The following RXYLT1 variants were observed in gnomAD, a reference collection of about 807,000 sequenced individuals.
RXYLT1 encodes the protein ribitol xylosyltransferase 1.
RXYLT1 carries 41 observed loss-of-function variants against 43.5 expected under a neutral mutation model. The observed-to-expected ratio is 0.94, with a 90% CI of 0.73 to 1.22. The LOEUF (loss-of-function observed/expected upper bound fraction) is 1.22. RXYLT1 is among the 50% of genes most tolerant of loss of function. The pLI is 0.00. For synonymous variants in RXYLT1, 166 were observed against 194.4 expected, an observed-to-expected ratio of 0.85 and a Z score of 1.21; for missense variants, 514 against 532.0, an observed-to-expected ratio of 0.97 and a Z score of 0.33.
At chr12:63,792,438 T>C (rs1208177948) in intron 3 of RXYLT1, among the ~76,000 whole-genome samples, 2 of 152,236 alleles carry the variant, frequency 1.3e-5, no homozygotes, top group African/African-American at 4.8e-5. Context: ...TTGCCAGCTC[T>C]TGGCTCTTAT....
At chr12:63,780,483 T>G in intron 1 of RXYLT1, 1 of 1,104,548 alleles carries the variant, frequency 9.1e-7, no homozygotes, top group Non-Finnish European at 1.1e-6. Context: ...TCCGTTTCCA[T>G]GTTGAAACAA....
intron 3 of RXYLT1, among the ~76,000 whole-genome samples, chr12:63,793,807 G>T (rs1442835619): frequency 2.0e-5 from 3 of 152,194 alleles, no homozygotes. Flanking sequence ...AACACAATTT[G>T]TCATAGAATG....
intron 2 of RXYLT1, chr12:63,782,679 T>A (rs564820282): frequency 2.2e-6 from 1 of 454,836 alleles, no homozygotes; most frequent in East Asian, 7.0e-5. Context: ...CATTTCTGGC[T>A]TCTGCTGAGA....
chr12:63,790,301 C>CTTT (rs1488956520), intron 3 of RXYLT1: 2 of 152,124 alleles, frequency 1.3e-5, no homozygotes, highest in Non-Finnish European at 2.9e-5. Flanking sequence ...ATATGTAGTG[C>CTTT]TTTTAACTCT....
chr12:63,793,083 C>T (rs1429810123), intron 3 of RXYLT1, among the ~76,000 whole-genome samples: 1 of 152,168 alleles, frequency 6.6e-6, no homozygotes, highest in Non-Finnish European at 1.5e-5. Flanking sequence ...ATTCTGAATT[C>T]TTAAATGGGG....
intron 3 of RXYLT1, among the ~76,000 whole-genome samples, chr12:63,801,311 G>C (rs560913193): frequency 6.6e-6 from 1 of 151,856 alleles, no homozygotes; most frequent in Non-Finnish European, 1.5e-5. Context: ...GCCATTCTTC[G>C]TTTCTTAATT....
chr12:63,785,269 T>C (rs1236497318), intron 3 of RXYLT1, 197 bp downstream of exon 3: 4 of 300,512 alleles, frequency 1.3e-5, no homozygotes, highest in East Asian at 5.4e-5. Flanking sequence ...AATTGTATAT[T>C]ACAGAATACT....
Position 63,802,248 on chromosome 12 carries a change from C to G in RXYLT1, c.586C>G (p.Leu196Val). 4.3e-6 allele frequency: 7 copies of G among 1,614,078 alleles called. No individual in the cohort carries two copies. Among genetic ancestry groups the G allele is most frequent in the Non-Finnish European group, 5.9e-6 (7 of 1,180,014 alleles). Residue 196 changes from leucine to valine, a missense_variant, in exon 4 of 6, where the codon CTT becomes GTT. Coordinates refer to ENST00000261234, the MANE Select transcript of RXYLT1 (RefSeq NM_014254.3). Reference protein sequence around the residue: ...NLVQIQKLQHLAVVLLGNEHC... With the variant: ...NLVQIQKLQHVAVVLLGNEHC... ...AGTGCAAATTCAAAAACTCCAGCAT[C>G]TTGCTGTTGTTTTGCTCGGAAATGA... is the stretch of plus-strand genomic sequence containing the variant.
chr12:63,799,327 GACA>G (rs1359348904), intron 3 of RXYLT1, among the ~76,000 whole-genome samples: 5 of 69,810 alleles, frequency 7.2e-5, no homozygotes, highest in Non-Finnish European at 1.1e-4. Flanking sequence ...TTTTTTTTGA[GACA>G]ACGTTTCATT....
At chr12:63,782,610 G>A (rs550979463) in intron 2 of RXYLT1, 46 of 456,674 alleles carry the variant, frequency 1.0e-4, no homozygotes, top group South Asian at 6.8e-4. Flanking sequence ...GTATGTCACA[G>A]GATTCACTCC....
chr12:63,808,413 G>A (rs1324736335), intron 5 of RXYLT1: 1 of 442,786 alleles, frequency 2.3e-6, no homozygotes, highest in Non-Finnish European at 3.9e-6. Flanking sequence ...CACTCCCAAA[G>A]TATCGGTTGA....
At chr12:63,791,205 C>T (rs1897914105) in intron 3 of RXYLT1, among the ~76,000 whole-genome samples, 1 of 152,172 alleles carries the variant, frequency 6.6e-6, no homozygotes, top group Non-Finnish European at 1.5e-5. Flanking sequence ...AGTTTAATCT[C>T]ATAGGACAAT....
chr12:63,792,541 GC>G (rs1897939880), intron 3 of RXYLT1, among the ~76,000 whole-genome samples: 1 of 152,322 alleles, frequency 6.6e-6, no homozygotes, highest in South Asian at 2.1e-4. Flanking sequence ...AAACACTGAG[GC>G]CCGCAGTCTT....
At position 63,799,333 on chromosome 12, in the gene RXYLT1, G is replaced by A. The variant is rs187720383; in HGVS notation, c.429-2758G>A. 7.6e-3 allele frequency among the ~76,000 whole-genome samples: 516 copies of A among 67,708 alleles called. 4 individuals are homozygous for A. The highest frequency in any genetic ancestry group is 0.029 in the African/African-American group (494 of 17,160). 44.4% of individuals were successfully genotyped at this position (67,708 alleles called of 152,430 possible). A position where few individuals can be genotyped will look rare whatever the true frequency, so the allele number is the denominator to read the frequency against. ...TTTTTTTTTTTTTTTTTGAGACAAC[G>A]TTTCATTGTTACCCAGGCTGAAGTG... is the stretch of plus-strand genomic sequence containing the variant. On this transcript the variant is annotated intron_variant, in intron 3 of 5. Coordinates refer to ENST00000261234, the MANE Select transcript of RXYLT1 (RefSeq NM_014254.3).
At chr12:63,806,251 T>C (rs1352538796) in intron 5 of RXYLT1, 3 of 152,232 alleles carry the variant, frequency 2.0e-5, no homozygotes, top group Non-Finnish European at 4.4e-5. Context: ...ACAAAGTCCA[T>C]GCCCTCCTGG....
intron 3 of RXYLT1, among the ~76,000 whole-genome samples, chr12:63,786,289 A>C (rs1210871103): frequency 6.6e-6 from 1 of 152,206 alleles, no homozygotes; most frequent in Non-Finnish European, 1.5e-5. Flanking sequence ...AGCAAAGAAC[A>C]TTAACTCCCA....
intron 3 of RXYLT1, among the ~76,000 whole-genome samples, chr12:63,786,619 C>T (rs1025624279): frequency 2.6e-5 from 4 of 152,030 alleles, no homozygotes; most frequent in Non-Finnish European, 4.4e-5. Context: ...AGGGTCTTGC[C>T]TCGATGTTGA....
At chr12:63,803,091 G>A (rs1021510392) in intron 4 of RXYLT1, among the ~76,000 whole-genome samples, 2 of 148,066 alleles carry the variant, frequency 1.4e-5, no homozygotes, top group East Asian at 2.0e-4. Context: ...TGAGGTTGAG[G>A]TGGGAGGATC....
chr12:63,805,137 C>A, intron 4 of RXYLT1, 97 bp from the exon 5 acceptor site: 2 of 840,520 alleles, frequency 2.4e-6, no homozygotes, highest in South Asian at 6.9e-5. Context: ...CATTTTAAAC[C>A]TCTTCTGTAT....
Sources: allele counts gnomAD v4.1 joint callset (sites outside exome capture counted in the v4.1 genomes callset), GRCh38; gene constraint gnomAD v4.1.1; transcripts MANE v1.5; gene names NCBI Gene and HGNC (gene_info 2026-07-23, HGNC 2026-07-21).